GPALPP1: variants seen among roughly 807,000 people sequenced by gnomAD.
GPALPP1 encodes the protein GPALPP motifs containing 1, also known as GPALPP motifs-containing protein 1.
A neutral mutation model predicts 38.9 loss-of-function variants in GPALPP1; 30 were observed. The ratio of observed to expected loss-of-function variants is 0.77; its 90% confidence interval spans 0.58 to 1.05. The LOEUF (loss-of-function observed/expected upper bound fraction) is 1.05, where lower values mean the gene tolerates loss of function less well. GPALPP1 is among the 50% of genes least tolerant of loss of function. The probability of loss-of-function intolerance (pLI) is 0.00; values close to 1 mark genes in which losing one functional copy is unlikely to be tolerated. For missense variants in GPALPP1, 384 were observed against 408.8 expected, an observed-to-expected ratio of 0.94 and a Z score of 0.52; for synonymous variants, 120 against 139.2, an observed-to-expected ratio of 0.86 and a Z score of 0.97.
intron 2 of GPALPP1, among the ~76,000 whole-genome samples, chr13:45,005,473 TTGAG>T (rs556630028): frequency 2.3e-3 from 356 of 152,294 alleles, no homozygotes; most frequent in African/African-American, 8.4e-3. Context: ...TTGTTTATTA[TTGAG>T]TAACAAGCTT....
downstream of GPALPP1, chr13:45,034,040 A>T (rs1876320614): frequency 6.6e-6 from 1 of 152,254 alleles, no homozygotes; most frequent in African/African-American, 2.4e-5. Context: ...GCATTGAATG[A>T]TAGGAATCTG....
chr13:45,025,103 A>G lies in GPALPP1; in HGVS notation c.805-2682A>G, dbSNP rs144378876. The stretch of plus-strand genomic sequence containing the variant: ...ACTGTACAATTCATCCATGTAACCA[A>G]AAACCACTTGTACCCCTAAAGCTAT... On this transcript the variant is annotated intron_variant, in intron 7 of 7. Coordinates refer to ENST00000379151, the MANE Select transcript of GPALPP1 (RefSeq NM_018559.5). Among the ~76,000 whole-genome samples the G allele has an allele frequency of 1.1e-4, 17 of 152,344 alleles. No homozygotes were observed. In the East Asian group the frequency reaches 3.1e-3, roughly 28 times the overall value.
intron 6 of GPALPP1, among the ~76,000 whole-genome samples, chr13:45,019,954 G>A (rs1337647262): frequency 2.3e-5 from 3 of 129,440 alleles, no homozygotes; most frequent in East Asian, 2.3e-4. Flanking sequence ...GAACGATTTC[G>A]GCTCACTGCA....
At chr13:44,994,125 G>A (rs1033703787) in intron 1 of GPALPP1, among the ~76,000 whole-genome samples, 7 of 150,632 alleles carry the variant, frequency 4.6e-5, no homozygotes, top group Admixed American at 4.6e-4. Flanking sequence ...GGCTGAGGTG[G>A]GAGGATCGCA....
chr13:44,994,423 A>T (rs1873098898), intron 1 of GPALPP1, among the ~76,000 whole-genome samples: 1 of 151,080 alleles, frequency 6.6e-6, no homozygotes, highest in South Asian at 2.1e-4. Flanking sequence ...CTACTAAAAA[A>T]ATACAAAAAT....
At chr13:45,004,827 G>A (rs564235372) in intron 2 of GPALPP1, among the ~76,000 whole-genome samples, 16 of 151,440 alleles carry the variant, frequency 1.1e-4, no homozygotes, top group African/African-American at 3.4e-4. Flanking sequence ...TAGATTTTTT[G>A]GTATTTTTTG....
At chr13:45,015,711 G>T in intron 6 of GPALPP1, 115 bp downstream of exon 6, 1 of 664,040 alleles carries the variant, frequency 1.5e-6, no homozygotes, top group South Asian at 3.7e-5. Flanking sequence ...ATTCCAAAAG[G>T]ATAATGCGGA....
chr13:45,022,870 A>T (rs1177430936), intron 7 of GPALPP1, among the ~76,000 whole-genome samples: 1 of 152,086 alleles, frequency 6.6e-6, no homozygotes, highest in Non-Finnish European at 1.5e-5. Flanking sequence ...CCCCATCTCT[A>T]CCAAAATAAA....
intron 1 of GPALPP1, among the ~76,000 whole-genome samples, chr13:45,001,466 T>C (rs1384802904): frequency 1.3e-5 from 2 of 152,160 alleles, no homozygotes; most frequent in East Asian, 1.9e-4. Flanking sequence ...ACTTAAAATG[T>C]GAAAAACAAA....
At chr13:44,998,164 G>A (rs867382945) in intron 1 of GPALPP1, among the ~76,000 whole-genome samples, 3 of 152,138 alleles carry the variant, frequency 2.0e-5, no homozygotes, top group Admixed American at 6.5e-5. Context: ...CTAAATCCAC[G>A]CCAAGCTTTT....
chr13:44,996,913 A>G (rs1171605526), intron 1 of GPALPP1, among the ~76,000 whole-genome samples: 1 of 149,060 alleles, frequency 6.7e-6, no homozygotes, highest in Non-Finnish European at 1.5e-5. Context: ...CAGATGATTG[A>G]GCAACTATTA....
chr13:45,009,143 G>C (rs950848977), intron 4 of GPALPP1: 2 of 503,892 alleles, frequency 4.0e-6, no homozygotes, highest in Non-Finnish European at 7.3e-6. Context: ...TCTTTGAAGG[G>C]GGACTTTAAG....
At chr13:44,991,237 G>C (rs944332782) in intron 1 of GPALPP1, among the ~76,000 whole-genome samples, 1 of 151,474 alleles carries the variant, frequency 6.6e-6, no homozygotes, top group African/African-American at 2.4e-5. Flanking sequence ...TCACGAGGTC[G>C]AGAGATCGAG....
downstream of GPALPP1, chr13:45,033,731 AAAC>A (rs377333959): frequency 4.6e-5 from 7 of 152,210 alleles, no homozygotes; most frequent in African/African-American, 1.2e-4. Context: ...CTATTGTAAA[AAAC>A]AACAACAACT....
intron 6 of GPALPP1, among the ~76,000 whole-genome samples, chr13:45,017,440 G>A (rs1874958275): frequency 6.6e-6 from 1 of 152,218 alleles, no homozygotes. Context: ...CAAAAACCTT[G>A]AAAGGGTGGT....
At chr13:45,021,250 G>A (rs1875408771) in intron 7 of GPALPP1, among the ~76,000 whole-genome samples, 1 of 152,184 alleles carries the variant, frequency 6.6e-6, no homozygotes, top group Admixed American at 6.5e-5. Flanking sequence ...TGTTCCCAGT[G>A]TATTAAAGAA....
rs1875151952 is a variant in GPALPP1 at position 45,019,050 on chromosome 13, TATAAATATATACATATAA to T, written c.706-1276_706-1259del. ...AAATATATACATAGAAATATATAAA[TATAAATATATACATATAA>T]ATATATACATATAAATATATGTATA... On this transcript the variant is annotated intron_variant, in intron 6 of 7. Transcript: ENST00000379151. 1.4e-4 allele frequency among the ~76,000 whole-genome samples: 7 copies of T among 49,574 alleles called. 1 individual carries two copies. The highest frequency in any genetic ancestry group is 2.0e-4 in the Non-Finnish European group (4 of 19,676). 32.5% of individuals were successfully genotyped at this position (49,574 alleles called of 152,430 possible).
intron 6 of GPALPP1, among the ~76,000 whole-genome samples, chr13:45,016,377 C>T (rs555229320): frequency 6.6e-6 from 1 of 152,084 alleles, no homozygotes; most frequent in South Asian, 2.1e-4. Flanking sequence ...TCACTCAAAC[C>T]CGGGAGGCAG....
chr13:45,000,611 CA>C (rs553160184), intron 1 of GPALPP1, among the ~76,000 whole-genome samples: 32 of 152,102 alleles, frequency 2.1e-4, no homozygotes, highest in Non-Finnish European at 4.3e-4. Flanking sequence ...ACATGGATAG[CA>C]GTCACATATA....
Sources: allele counts gnomAD v4.1 joint callset (sites outside exome capture counted in the v4.1 genomes callset), GRCh38; gene constraint gnomAD v4.1.1; transcripts MANE v1.5; gene names NCBI Gene and HGNC (gene_info 2026-07-23, HGNC 2026-07-21).